The following FAM217A variants were observed in gnomAD, a reference collection of about 807,000 sequenced individuals.
FAM217A encodes protein FAM217A.
FAM217A carries 13 observed loss-of-function variants against 18.5 expected under a neutral mutation model. The ratio of observed to expected loss-of-function variants is 0.70; its 90% CI spans 0.46 to 1.12. The LOEUF (loss-of-function observed/expected upper bound fraction) is 1.12. FAM217A is among the 50% of genes most tolerant of loss of function. The probability of loss-of-function intolerance (pLI) is 0.00; values close to 1 mark genes in which losing one functional copy is unlikely to be tolerated. For missense variants in FAM217A, 560 were observed against 575.4 expected, an observed-to-expected ratio of 0.97 and a Z score of 0.27; for synonymous variants, 161 against 202.8, an observed-to-expected ratio of 0.79 and a Z score of 1.75.
chr6:4,079,692 T>C (rs1041230532), upstream of FAM217A: 15 of 1,272,282 alleles, frequency 1.2e-5, no homozygotes, highest in African/African-American at 2.3e-4. Context: ...TACGTAGTCC[T>C]CCAGACTAAG....
chr6:4,086,625 A>G (rs1770683815), intron 1 of FAM217A, among the ~76,000 whole-genome samples: 1 of 152,178 alleles, frequency 6.6e-6, no homozygotes. Context: ...CAGATTTGCC[A>G]TAGCATACTA....
chr6:4,079,097 C>T lies in FAM217A; in HGVS notation c.-280G>A. The T allele has an allele frequency of 2.8e-6, 1 of 354,086 alleles. No homozygotes were observed. Among genetic ancestry groups the T allele is most frequent in the Non-Finnish European group, 5.0e-6 (1 of 198,244 alleles). 21.9% of individuals were successfully genotyped at this position (354,086 alleles called of 1,614,324 possible). ...GAGTCGGGCCCGGGGCCCAGAGAGA[C>T]CTTCCGGGGCCGGGGCTGCGGCTCC... On this transcript the variant is annotated 5_prime_UTR_variant, in exon 1 of 7. Coordinates refer to ENST00000274673, the MANE Select transcript of FAM217A (RefSeq NM_173563.3).
chr6:4,082,051 T>C (rs750644990), upstream of FAM217A, among the ~76,000 whole-genome samples: 1 of 152,210 alleles, frequency 6.6e-6, no homozygotes, highest in Non-Finnish European at 1.5e-5. Flanking sequence ...CAACTGGTCT[T>C]CCTTTCTCTG....
In FAM217A at chr6:4,069,863, C is replaced by G. The variant is rs376333841; in HGVS notation, c.360G>C (p.Arg120Ser). Reference sequence around the variant, plus strand: ...TTAATGGGTGGTTCAGAGTGAAGACCCTTATAGGATGATTGATTACATTAA... The same window carrying G: ...TTAATGGGTGGTTCAGAGTGAAGACGCTTATAGGATGATTGATTACATTAA... ...TGFNVINHPIRVFTLNHPLTI... is the reference protein window; with the variant it reads ...TGFNVINHPISVFTLNHPLTI... The change falls in exon 7 of 7, where the codon AGG (arginine) becomes AGC (serine). Residue 120 changes from arginine (R) to serine (S), a missense_variant. By Grantham distance (110) the Arg-to-Ser change is moderately radical. Coordinates refer to ENST00000274673, the MANE Select transcript of FAM217A (RefSeq NM_173563.3). 10 of 1,609,334 alleles carry G rather than the reference C, an allele frequency of 6.2e-6. No individual in the cohort carries two copies. Among genetic ancestry groups the G allele is most frequent in the Non-Finnish European group, 8.5e-6 (10 of 1,178,450 alleles).
chr6:4,078,948 G>GC lies in FAM217A; in HGVS notation c.-132dup. On this transcript the variant is annotated 5_prime_UTR_variant, in exon 1 of 7. Transcript: ENST00000274673. ...GTGCGTGGCTGACGGCTTGGAGGGC[G>GC]CCCCCTCTGCCGCGGCCTTCCTGCA... 1 of 550,300 alleles carries GC rather than the reference G, an allele frequency of 1.8e-6. No homozygotes were observed. The highest frequency in any genetic ancestry group is 2.2e-5 in the South Asian group (1 of 45,504). 34.1% of individuals were successfully genotyped at this position (550,300 alleles called of 1,614,324 possible). A position where few individuals can be genotyped will look rare whatever the true frequency, so the allele number is the denominator to read the frequency against.
At chr6:4,079,152 G>A (rs1342167345), upstream of FAM217A, 1 of 336,824 alleles carries the variant, frequency 3.0e-6, no homozygotes, top group Non-Finnish European at 5.3e-6. Context: ...GGGTCTCCCG[G>A]CAACTACCAG....
At chr6:4,082,408 C>T (rs919688702), upstream of FAM217A, among the ~76,000 whole-genome samples, 3 of 152,212 alleles carry the variant, frequency 2.0e-5, no homozygotes, top group Non-Finnish European at 4.4e-5. Context: ...CTCTCAGTCC[C>T]AGTCTCCCTC....
intron 2 of FAM217A, among the ~76,000 whole-genome samples, chr6:4,084,209 ACT>A (rs1339733654): frequency 6.6e-6 from 1 of 152,054 alleles, no homozygotes; most frequent in Non-Finnish European, 1.5e-5. Context: ...AACCTTTAAC[ACT>A]CTGCTCCCAT....
chr6:4,079,195 C>T (rs919183410), upstream of FAM217A: 11 of 300,210 alleles, frequency 3.7e-5, no homozygotes, highest in Non-Finnish European at 6.7e-5. Flanking sequence ...CCCGGCGTTC[C>T]ACAAGGTCCA....
At chr6:4,070,263 A>G (rs1364944146) in intron 6 of FAM217A, among the ~76,000 whole-genome samples, 2 of 152,230 alleles carry the variant, frequency 1.3e-5, no homozygotes, top group African/African-American at 4.8e-5. Context: ...TGCAATTATT[A>G]TGTTTGAAAA....
In FAM217A at chr6:4,078,927, G is replaced by A; in HGVS notation, c.-110C>T. 3.4e-6 allele frequency: 2 copies of A among 581,694 alleles called. No homozygotes were observed. Among genetic ancestry groups the A allele is most frequent in the Admixed American group, 2.9e-5 (1 of 33,950 alleles). 36.0% of individuals were successfully genotyped at this position (581,694 alleles called of 1,614,324 possible). A position where few individuals can be genotyped will look rare whatever the true frequency, so the allele number is the denominator to read the frequency against. Reference sequence around the variant, plus strand: ...CCGAGGCCCGAGCGCCTCCGCGTGCGTGGCTGACGGCTTGGAGGGCGCCCC... The same window carrying A: ...CCGAGGCCCGAGCGCCTCCGCGTGCATGGCTGACGGCTTGGAGGGCGCCCC... On this transcript the variant is annotated 5_prime_UTR_variant, in exon 1 of 7. The change creates a new upstream start codon in the 5' untranslated region. Transcript: ENST00000274673.
At position 4,069,697 on chromosome 6, in the gene FAM217A, T is replaced by C. The variant is rs144564849; in HGVS notation, c.526A>G (p.Asn176Asp). The C allele has an allele frequency of 1.9e-6, 3 of 1,614,066 alleles. No individual in the cohort carries two copies. The highest frequency in any genetic ancestry group is 2.7e-5 in the African/African-American group (2 of 74,934). ...HVSSCSTIEN[N>D]DGETLPAPNW... Reference sequence around the variant, plus strand: ...GGAGCAGGTAATGTTTCACCATCATTGTTTTCTATAGTTGAACATGAACTA... The same window carrying C: ...GGAGCAGGTAATGTTTCACCATCATCGTTTTCTATAGTTGAACATGAACTA... The change falls in exon 7 of 7, where the codon AAT becomes GAT. Residue 176 changes from asparagine (N) to aspartate (D), a missense_variant. Physicochemically the swap from Asn to Asp is conservative, Grantham distance 23. Coordinates refer to ENST00000274673, the MANE Select transcript of FAM217A (RefSeq NM_173563.3).
At chr6:4,073,101 G>A (rs1360194741) in intron 6 of FAM217A, among the ~76,000 whole-genome samples, 174 bp downstream of exon 6, 7 of 152,092 alleles carry the variant, frequency 4.6e-5, no homozygotes, top group East Asian at 3.8e-4. Context: ...TAATTGTCTC[G>A]TGGTATCTGC....
At chr6:4,083,484 C>T (rs912084967), upstream of FAM217A, among the ~76,000 whole-genome samples, 9 of 152,038 alleles carry the variant, frequency 5.9e-5, no homozygotes, top group African/African-American at 1.7e-4. Context: ...TTTGTTTTTC[C>T]CTTTAGAATT....
chr6:4,084,938 C>G, intron 1 of FAM217A: 1 of 612,680 alleles, frequency 1.6e-6, no homozygotes, highest in Non-Finnish European at 2.9e-6. Context: ...TAATACACTG[C>G]TGGCACCTAC....
At chr6:4,079,498 G>A (rs1284826082), upstream of FAM217A, 10 of 550,254 alleles carry the variant, frequency 1.8e-5, no homozygotes, top group South Asian at 1.6e-4. Context: ...GCCTTCCTGG[G>A]CCTCCTCGGG....
intron 1 of FAM217A, 38 bp from the exon 2 acceptor site, chr6:4,077,486 G>C (rs1265848677): frequency 6.8e-7 from 1 of 1,464,128 alleles, no homozygotes; most frequent in Admixed American, 1.7e-5. Context: ...TATGGGTAAG[G>C]GTCAACATTT....
chr6:4,083,200 G>A (rs191436939), upstream of FAM217A, among the ~76,000 whole-genome samples: 96 of 152,282 alleles, frequency 6.3e-4, 2 homozygotes, highest in African/African-American at 2.3e-3. Flanking sequence ...GGCAAGCCTT[G>A]GGCCAGTCAC....
chr6:4,084,414 T>C (rs1770506503), intron 2 of FAM217A, among the ~76,000 whole-genome samples: 1 of 152,224 alleles, frequency 6.6e-6, no homozygotes. Context: ...TTCTCAATCA[T>C]ATATTTTCTC....
Sources: gnomAD v4.1 joint callset for allele counts (sites outside exome capture counted in the v4.1 genomes callset) on GRCh38, gnomAD v4.1.1 for gene constraint, MANE v1.5 for transcripts, NCBI Gene and HGNC (gene_info 2026-07-23, HGNC 2026-07-21) for gene names.